The following MYOM1 variants were observed in gnomAD, a reference collection of about 807,000 sequenced individuals.
The protein encoded by MYOM1 is myomesin 1, also known as myomesin-1.
MYOM1 carries 164 observed loss-of-function variants against 205.3 expected under a neutral mutation model. The observed-to-expected ratio is 0.80, with a 90% confidence interval of 0.70 to 0.91. MYOM1 has a LOEUF of 0.91. Among genes scored for constraint, MYOM1 ranks in the 40% least tolerant of loss-of-function variants. The pLI is 0.00. For missense variants in MYOM1, 2,011 were observed against 2,127.3 expected (o/e 0.95, Z 1.08); for synonymous variants, 772 against 789.4 (o/e 0.98, Z 0.37).
chr18:3,226,546 G>GC, the MYOM1 span, among the ~76,000 whole-genome samples: 1 of 152,070 alleles, frequency 6.6e-6, no homozygotes, highest in Non-Finnish European at 1.5e-5. This position sits in a 1 kb window ranked among gnomAD's most constrained non-coding sequence, Gnocchi z 4.6. Context: ...GCTCCTCTCA[G>GC]CCCTGCCAAC....
chr18:3,211,617 GT>G (rs1283184875), intron 2 of MYOM1, among the ~76,000 whole-genome samples: 1 of 152,146 alleles, frequency 6.6e-6, no homozygotes, highest in Non-Finnish European at 1.5e-5. Context: ...TTAAGAGTTT[GT>G]TTTCCTAAAT....
At chr18:3,128,592 T>C (rs560642401) in intron 18 of MYOM1, among the ~76,000 whole-genome samples, 1 of 152,336 alleles carries the variant, frequency 6.6e-6, no homozygotes, top group African/African-American at 2.4e-5. Context: ...CTCAAAGATA[T>C]ATTTATAGCT....
chr18:3,135,551 T>A lies in MYOM1; in HGVS notation c.2205A>T (p.Lys735Asn), dbSNP rs1233607128. The A allele has an allele frequency of 2.5e-6, 4 of 1,612,928 alleles. No homozygotes were observed. The African/African-American group carries it at 5.3e-5, about 22-fold the overall frequency. Residue 735 changes from lysine to asparagine, a missense_variant, in exon 15 of 38, where the codon AAA becomes AAT. Lys to Asn is a moderately conservative substitution (Grantham distance 94). Transcript: ENST00000356443. This position sits in a 1 kb window ranked among gnomAD's most constrained non-coding sequence, Gnocchi z 4.1. ...EATEVTVVGD[K>N]LDIPKAPGKI... ...AAGAAGTTTACAGTTGCTTACCAAG[T>A]TTGTCCCCTACCACAGTCACCTCCG...
chr18:3,238,577 C>T, the MYOM1 span, among the ~76,000 whole-genome samples: 3 of 152,190 alleles, frequency 2.0e-5, no homozygotes, highest in South Asian at 2.1e-4. Flanking sequence ...ACAGCTGAAG[C>T]GAGTTTTTGT....
At chr18:3,208,113 G>GCT (rs926954434) in intron 2 of MYOM1, among the ~76,000 whole-genome samples, 1 of 152,196 alleles carries the variant, frequency 6.6e-6, no homozygotes, top group Non-Finnish European at 1.5e-5. Context: ...GAGAATCCTA[G>GCT]CTCTCTCTCC....
Position 3,151,681 on chromosome 18 carries a change from G to T in MYOM1, c.1843+13C>A. Reference sequence around the variant, plus strand: ...AGGTTTAGGGAAGGTCCTGAAAAATGAAAAGTGCTTACTTTTAAGTCTAGC... The same window carrying T: ...AGGTTTAGGGAAGGTCCTGAAAAATTAAAAGTGCTTACTTTTAAGTCTAGC... On this transcript the variant is annotated intron_variant, in intron 12 of 37. Coordinates refer to ENST00000356443, the MANE Select transcript of MYOM1 (RefSeq NM_003803.4). 1 of 1,604,994 alleles carries T rather than the reference G, an allele frequency of 6.2e-7. No homozygotes were observed. Among genetic ancestry groups the T allele is most frequent in the Non-Finnish European group, 8.5e-7 (1 of 1,174,858 alleles).
chr18:3,081,741 G>A (rs2079088473), intron 33 of MYOM1, among the ~76,000 whole-genome samples: 1 of 152,130 alleles, frequency 6.6e-6, no homozygotes, highest in Non-Finnish European at 1.5e-5. Context: ...GAAAGAAACA[G>A]AACAAAGGAA....
Position 3,197,669 on chromosome 18 carries a change from C to A in MYOM1, c.291-3711G>T, listed in dbSNP as rs553973073. 1.3e-3 allele frequency among the ~76,000 whole-genome samples: 190 copies of A among 151,816 alleles called. 2 individuals carry two copies. The highest frequency in any genetic ancestry group is 3.7e-3 in the African/African-American group (155 of 41,408). ...CGGGCGGATCACGAGGTCAGGAGAT[C>A]GAGACCATCCTAGCTAACATGGTGA... is the stretch of plus-strand genomic sequence containing the variant. On this transcript the variant is annotated intron_variant, in intron 2 of 37. Coordinates refer to ENST00000356443, the MANE Select transcript of MYOM1 (RefSeq NM_003803.4).
At chr18:3,117,071 G>T (rs1283637381) in intron 20 of MYOM1, among the ~76,000 whole-genome samples, 1 of 152,048 alleles carries the variant, frequency 6.6e-6, no homozygotes, top group Non-Finnish European at 1.5e-5. Flanking sequence ...TGACCAGGCT[G>T]GTCTTGAACT....
At chr18:3,212,622 A>C (rs2081204505) in intron 2 of MYOM1, among the ~76,000 whole-genome samples, 3 of 152,242 alleles carry the variant, frequency 2.0e-5, no homozygotes, top group African/African-American at 7.2e-5. Context: ...TAAGTACACA[A>C]GGAGTTACAT....
At chr18:3,207,699 C>G (rs2081141774) in intron 2 of MYOM1, among the ~76,000 whole-genome samples, 1 of 152,230 alleles carries the variant, frequency 6.6e-6, no homozygotes, top group Non-Finnish European at 1.5e-5. Context: ...AGTGCCGACA[C>G]TATGGAGGCC....
In MYOM1 at chr18:3,135,513, T is replaced by A. The variant is rs1346053946; in HGVS notation, c.2209+34A>T. On this transcript the variant is annotated intron_variant, in intron 15 of 37. Coordinates refer to ENST00000356443, the MANE Select transcript of MYOM1 (RefSeq NM_003803.4). The surrounding 1 kb of genome is among the most constrained non-coding windows in gnomAD (Gnocchi z 4.1). ...ATACTAGATCCTTGCTTTGAAATTT[T>A]CTCTTGAAGTAAAAGAAGTTTACAG... 4 of 1,591,868 alleles carry A rather than the reference T, an allele frequency of 2.5e-6. No homozygotes were observed. The highest frequency in any genetic ancestry group is 3.4e-6 in the Non-Finnish European group (4 of 1,166,990).
At chr18:3,195,262 C>T (rs1017917017) in intron 2 of MYOM1, among the ~76,000 whole-genome samples, 1 of 152,250 alleles carries the variant, frequency 6.6e-6, no homozygotes, top group Non-Finnish European at 1.5e-5. Flanking sequence ...TCCTTCCCCA[C>T]TATCTACCAC....
rs753883930 is a variant in MYOM1, at chr18:3,215,101, C to T, written c.123G>A (p.Gln41=). The part of the protein sequence containing the change: ...REKKRSAVYT[Q]GSTAYSSRSS... ...AGCGGCTGCTGTAGGCCGTGGAGCC[C>T]TGGGTGTAGACGGCGGAGCGTTTCT... The change falls in exon 2 of 38, where the codon CAG becomes CAA. Residue 41 remains glutamine, a synonymous_variant. Transcript: ENST00000356443. The T allele has an allele frequency of 6.2e-7, 1 of 1,613,848 alleles. No individual in the cohort carries two copies.
At chr18:3,157,618 A>G (rs2080319870) in intron 10 of MYOM1, among the ~76,000 whole-genome samples, 1 of 151,562 alleles carries the variant, frequency 6.6e-6, no homozygotes, top group Admixed American at 6.6e-5. Flanking sequence ...TAGAGGCTGC[A>G]GTAAGCTATG....
chr18:3,240,717 G>C, the MYOM1 span, among the ~76,000 whole-genome samples: 1 of 152,226 alleles, frequency 6.6e-6, no homozygotes, highest in Non-Finnish European at 1.5e-5. Flanking sequence ...GTAACACACA[G>C]AGGCTGGAAC....
rs1455770385 is a variant in MYOM1 at position 3,215,161 on chromosome 18, G to A, written c.63C>T (p.Asp21=). ...QHYDLSYRNK[D]VRSTVSHYQR... The stretch of plus-strand genomic sequence containing the variant: ...GGTAGTGACTCACGGTGCTGCGCAC[G>A]TCCTTGTTGCGGTAGCTGAGATCAT... The change falls in exon 2 of 38, where the codon GAC becomes GAT. Residue 21 remains aspartate (D), a synonymous_variant. Transcript: ENST00000356443. 6.2e-7 allele frequency: 1 copy of A among 1,613,558 alleles called. No individual in the cohort carries two copies. The highest frequency in any genetic ancestry group is 2.2e-5 in the East Asian group (1 of 44,896).
intron 2 of MYOM1, among the ~76,000 whole-genome samples, chr18:3,214,343 G>A (rs2081228228): frequency 6.6e-6 from 1 of 152,106 alleles, no homozygotes; most frequent in Non-Finnish European, 1.5e-5. Flanking sequence ...AGTAACCTGT[G>A]GCAAAATTTG....
intron 4 of MYOM1, 115 bp downstream of exon 4, chr18:3,188,633 G>T: frequency 9.6e-7 from 1 of 1,044,850 alleles, no homozygotes; most frequent in South Asian, 2.2e-5. Flanking sequence ...CATCTCAAAA[G>T]GAAAAAAAAA....
Sources: gnomAD v4.1 joint callset for allele counts (sites outside exome capture counted in the v4.1 genomes callset) on GRCh38, gnomAD v4.1.1 for gene constraint, Gnocchi (gnomAD v3.1) non-coding constraint, MANE v1.5 for transcripts, NCBI Gene and HGNC (gene_info 2026-07-23, HGNC 2026-07-21) for gene names.